Variants in PLEKHG5 observed in about 807,000 individuals in gnomAD.
PLEKHG5 encodes pleckstrin homology domain-containing family G member 5.
In PLEKHG5, 52 loss-of-function variants were observed where a neutral mutation model predicts 103.8. The ratio of observed to expected loss-of-function variants is 0.50; its 90% CI spans 0.40 to 0.63. The LOEUF (loss-of-function observed/expected upper bound fraction) is 0.63. PLEKHG5 is among the 30% of genes least tolerant of loss of function. The pLI is 0.00. For missense variants in PLEKHG5, 1,205 were observed against 1,347.6 expected (o/e 0.89, Z 1.66); for synonymous variants, 592 against 575.5 (o/e 1.03, Z -0.41).
intron 1 of PLEKHG5, chr1:6,485,210 G>A: frequency 1.5e-6 from 1 of 680,232 alleles, no homozygotes; most frequent in Non-Finnish European, 2.1e-6. Context: ...TCCCCTGGGG[G>A]CCGCGGGGCC....
In PLEKHG5 at chr1:6,469,202, T is replaced by G. The variant is rs919629568; in HGVS notation, c.2089A>C (p.Ser697Arg). 2.5e-6 allele frequency: 4 copies of G among 1,612,808 alleles called. No homozygotes were observed. The African/African-American group carries it at 4.0e-5, about 16-fold the overall frequency. The change falls in exon 19 of 21, where the codon AGT becomes CGT. Residue 697 changes from serine (S) to arginine (R), a missense_variant. By Grantham distance (110) the Ser-to-Arg change is moderately radical. Coordinates refer to ENST00000377728, the MANE Select transcript of PLEKHG5 (RefSeq NM_020631.6). ...TCCAGGCTCTGCAGGGGCTGCTGAC[T>G]GCCTGGGGGCTCCTGTGCACGCAGC... ...QQLRAQEPPG[S>R]QQPLQSLEEE...
chr1:6,512,482 C>T (rs189493306), intron 1 of PLEKHG5, among the ~76,000 whole-genome samples: 5 of 152,190 alleles, frequency 3.3e-5, no homozygotes, highest in African/African-American at 7.2e-5. Flanking sequence ...GGAAGCCAGA[C>T]AGTGGGGCCC....
intron 1 of PLEKHG5, among the ~76,000 whole-genome samples, chr1:6,518,416 C>A (rs1423123381): frequency 6.6e-6 from 1 of 151,364 alleles, no homozygotes. Flanking sequence ...CAAAATGAGC[C>A]GGGCTTGATG....
chr1:6,475,622 A>G lies in PLEKHG5; in HGVS notation c.150-100T>C. 4 of 1,023,894 alleles carry G rather than the reference A, an allele frequency of 3.9e-6. No individual in the cohort carries two copies. In the Middle Eastern group the frequency reaches 7.2e-4, roughly 185 times the overall value. 63.4% of individuals were successfully genotyped at this position (1,023,894 alleles called of 1,614,324 possible). On this transcript the variant is annotated intron_variant, in intron 3 of 20. Coordinates refer to ENST00000377728, the MANE Select transcript of PLEKHG5 (RefSeq NM_020631.6). ...GGCCTCCCCGCCCTTGGCTCACCCCAGGTGACAGGTAACCCGCGTGGATTC... is the reference window on the plus strand; with the variant it reads ...GGCCTCCCCGCCCTTGGCTCACCCCGGGTGACAGGTAACCCGCGTGGATTC...
rs1275998627 is a variant in PLEKHG5 at position 6,519,592 on chromosome 1, A to G, written c.-312T>C. ...CACAGGCCTCTCTAATCAGACACAC[A>G]GGTCTCCGTCCTGCTTTGCCCAGTT... is the stretch of plus-strand genomic sequence containing the variant. On this transcript the variant is annotated 5_prime_UTR_variant, in exon 1 of 22. Coordinates refer to the PLEKHG5 transcript ENST00000377740. The G allele has an allele frequency of 9.6e-6, 10 of 1,044,274 alleles. 1 individual carries two copies. Among genetic ancestry groups the G allele is most frequent in the Non-Finnish European group, 1.4e-5 (9 of 662,444 alleles). The allele number at this position is 1,044,274 out of a possible 1,614,324, so 64.7% of individuals were successfully genotyped here.
rs945017103 is a variant in PLEKHG5 at position 6,487,063 on chromosome 1, C to A, written c.-88+4574G>T. On this transcript the variant is annotated intron_variant, in intron 1 of 20. Coordinates refer to ENST00000377728, the MANE Select transcript of PLEKHG5 (RefSeq NM_020631.6). The surrounding 1 kb of genome is among the most constrained non-coding windows in gnomAD (Gnocchi z 4.1). ...GAGACTTCCAGGGCTGTCTCCACTCCCAAAGCCCAGGTCACCCACTGTCTA... is the reference window on the plus strand; with the variant it reads ...GAGACTTCCAGGGCTGTCTCCACTCACAAAGCCCAGGTCACCCACTGTCTA... Among the ~76,000 whole-genome samples the A allele has an allele frequency of 6.6e-6, 1 of 152,078 alleles. No homozygotes were observed. Among genetic ancestry groups the A allele is most frequent in the Non-Finnish European group, 1.5e-5 (1 of 67,998 alleles).
Position 6,487,053 on chromosome 1 carries a change from G to A in PLEKHG5, c.-88+4584C>T, listed in dbSNP as rs1469255131. ...TAGAGGCTGGGAGACTTCCAGGGCT[G>A]TCTCCACTCCCAAAGCCCAGGTCAC... On this transcript the variant is annotated intron_variant, in intron 1 of 20. Transcript: ENST00000377728. This position sits in a 1 kb window ranked among gnomAD's most constrained non-coding sequence, Gnocchi z 4.1. Among the ~76,000 whole-genome samples the A allele has an allele frequency of 1.3e-5, 2 of 152,226 alleles. No individual in the cohort carries two copies. The highest frequency in any genetic ancestry group is 4.8e-5 in the African/African-American group (2 of 41,456).
chr1:6,467,701 G>T, intron 20 of PLEKHG5, 124 bp downstream of exon 20: 1 of 1,476,172 alleles, frequency 6.8e-7, no homozygotes, highest in Non-Finnish European at 9.4e-7. Flanking sequence ...CCTGCGCCCA[G>T]ACACTGGGCA....
In PLEKHG5 at chr1:6,491,595, C is replaced by G; in HGVS notation, c.-88+42G>C. 1.1e-6 allele frequency: 1 copy of G among 947,698 alleles called. No homozygotes were observed. Among genetic ancestry groups the G allele is most frequent in the Non-Finnish European group, 1.3e-6 (1 of 795,972 alleles). The allele number at this position is 947,698 out of a possible 1,614,324, so 58.7% of individuals were successfully genotyped here. A position where few individuals can be genotyped will look rare whatever the true frequency, so the allele number is the denominator to read the frequency against. ...GGTCTGCCGCTGCTCACCCCCAAAG[C>G]ATTGCCCAGGAGAATAGGTGATTGC... On this transcript the variant is annotated intron_variant, in intron 1 of 20. Transcript: ENST00000377728. The surrounding 1 kb of genome is among the most constrained non-coding windows in gnomAD (Gnocchi z 4.1).
At chr1:6,494,764 T>G (rs1175684796), upstream of PLEKHG5, among the ~76,000 whole-genome samples, 1 of 152,208 alleles carries the variant, frequency 6.6e-6, no homozygotes, top group South Asian at 2.1e-4. Flanking sequence ...ATGCCTCTGA[T>G]AATTCAGGCA....
intron 4 of PLEKHG5, 148 bp downstream of exon 4, chr1:6,475,314 C>T: frequency 2.7e-6 from 2 of 751,368 alleles, no homozygotes; most frequent in Non-Finnish European, 4.8e-6. Flanking sequence ...ATGGGAACCC[C>T]AGCAAGAAAG....
At chr1:6,502,445 A>G (rs1645305885) in intron 1 of PLEKHG5, among the ~76,000 whole-genome samples, 1 of 152,184 alleles carries the variant, frequency 6.6e-6, no homozygotes, top group African/African-American at 2.4e-5. Context: ...CTACCCACCC[A>G]CACTGCTCGA....
At chr1:6,504,596 G>A (rs1638252860) in intron 1 of PLEKHG5, among the ~76,000 whole-genome samples, 2 of 145,386 alleles carry the variant, frequency 1.4e-5, no homozygotes, top group Admixed American at 6.9e-5. Context: ...TTGAGATGGA[G>A]TCTCGCTCTG....
chr1:6,491,578 G>A lies in PLEKHG5; in HGVS notation c.-88+59C>T, dbSNP rs1480929171. 6 of 879,946 alleles carry A rather than the reference G, an allele frequency of 6.8e-6. No individual in the cohort carries two copies. The highest frequency in any genetic ancestry group is 3.7e-5 in the African/African-American group (2 of 54,658). 54.5% of individuals were successfully genotyped at this position (879,946 alleles called of 1,614,324 possible). On this transcript the variant is annotated intron_variant, in intron 1 of 20. Transcript: ENST00000377728. This position sits in a 1 kb window ranked among gnomAD's most constrained non-coding sequence, Gnocchi z 4.1. Reference sequence around the variant, plus strand: ...ATTCCCTGGGGCATCCTGGTCTGCCGCTGCTCACCCCCAAAGCATTGCCCA... The same window carrying A: ...ATTCCCTGGGGCATCCTGGTCTGCCACTGCTCACCCCCAAAGCATTGCCCA...
chr1:6,474,494 G>A lies in PLEKHG5; in HGVS notation c.396C>T (p.Thr132=). 3 of 1,613,988 alleles carry A rather than the reference G, an allele frequency of 1.9e-6. No individual in the cohort carries two copies. The highest frequency in any genetic ancestry group is 1.1e-5 in the South Asian group (1 of 91,080). The change falls in exon 6 of 21, where the codon ACC becomes ACT. Residue 132 remains threonine, a synonymous_variant. Transcript: ENST00000377728. ...GTCCCCCGAACCTGTAGGCCTCGAA[G>A]GTGAGGGACAGGGGTGTGTTGGACT... ...LDQSNTPLSL[T]FEAYRFGGHY... is the part of the protein sequence containing the mutation.
chr1:6,494,725 T>C (rs1466801700), upstream of PLEKHG5, among the ~76,000 whole-genome samples: 1 of 152,182 alleles, frequency 6.6e-6, no homozygotes, highest in Non-Finnish European at 1.5e-5. Context: ...GGCCCCCTCC[T>C]CCAGGATGCC....
intron 1 of PLEKHG5, among the ~76,000 whole-genome samples, chr1:6,484,656 G>A (rs1175029808): frequency 6.6e-6 from 1 of 152,082 alleles, no homozygotes; most frequent in Non-Finnish European, 1.5e-5. Context: ...GCCCCTTCTT[G>A]AAGCCAGACT....
chr1:6,519,575 T>A (rs1207975126), exon 1 of PLEKHG5: 1 of 1,223,510 alleles, frequency 8.2e-7, no homozygotes, highest in Non-Finnish European at 1.2e-6. Flanking sequence ...GCCACAGGCC[T>A]CTCTAATCAG....
upstream of PLEKHG5, among the ~76,000 whole-genome samples, chr1:6,496,008 C>CTTT (rs1360231442): frequency 6.6e-6 from 1 of 152,240 alleles, no homozygotes; most frequent in Admixed American, 6.5e-5. Flanking sequence ...CCAGGATCAA[C>CTTT]TGGCCCCTTC....
Sources: allele counts gnomAD v4.1 joint callset (sites outside exome capture counted in the v4.1 genomes callset), GRCh38; gene constraint gnomAD v4.1.1; non-coding constraint Gnocchi (gnomAD v3.1); transcripts MANE v1.5; gene names NCBI Gene and HGNC (gene_info 2026-07-23, HGNC 2026-07-21).